Variants in KIAA1217 observed in about 807,000 individuals in gnomAD.
The protein encoded by KIAA1217 is KIAA1217.
A neutral mutation model predicts 163.9 loss-of-function variants in KIAA1217; 88 were observed. The ratio of observed to expected loss-of-function variants is 0.54; its 90% confidence interval spans 0.45 to 0.64. The LOEUF is 0.64. Ranked by LOEUF, KIAA1217 falls within the 30% of genes least tolerant of loss-of-function variation. The probability of loss-of-function intolerance (pLI) is 0.00; values close to 1 mark genes in which losing one functional copy is unlikely to be tolerated. For missense variants in KIAA1217, 2,372 were observed against 2,475.0 expected (o/e 0.96, Z 0.88); for synonymous variants, 903 against 923.1 (o/e 0.98, Z 0.39).
chr10:23,991,677 C>T lies in KIAA1217; in HGVS notation c.-320-15548C>T, dbSNP rs184539763. 3.0e-3 allele frequency among the ~76,000 whole-genome samples: 463 copies of T among 152,180 alleles called. 5 individuals carry two copies. The highest frequency in any genetic ancestry group is 0.01 in the African/African-American group (434 of 41,504). On this transcript the variant is annotated intron_variant, in intron 1 of 18. Transcript: ENST00000376462. ...CTAGAACGTATCTATCCGCATTTCACGTATATGATATATCAGTATATCACA... is the reference window on the plus strand; with the variant it reads ...CTAGAACGTATCTATCCGCATTTCATGTATATGATATATCAGTATATCACA...
chr10:24,140,124 C>T (rs528141273), intron 2 of KIAA1217, among the ~76,000 whole-genome samples: 3 of 151,824 alleles, frequency 2.0e-5, no homozygotes, highest in African/African-American at 7.3e-5. Flanking sequence ...CTTTGGGAGG[C>T]CGAGGCGGGT....
At chr10:24,370,589 T>G (rs1452212868) in intron 2 of KIAA1217, among the ~76,000 whole-genome samples, 1 of 152,158 alleles carries the variant, frequency 6.6e-6, no homozygotes, top group Non-Finnish European at 1.5e-5. Context: ...TGGCTTTTGT[T>G]TTTTTAGAGA....
intron 1 of KIAA1217, 62 bp downstream of exon 1, chr10:24,209,325 C>T: frequency 4.1e-6 from 5 of 1,218,298 alleles, no homozygotes; most frequent in African/African-American, 1.6e-5. Flanking sequence ...CCGCTTGCTG[C>T]TTTTTATAAA....
intron 1 of KIAA1217, among the ~76,000 whole-genome samples, chr10:23,985,868 G>T (rs925795692): frequency 6.6e-6 from 1 of 152,138 alleles, no homozygotes; most frequent in African/African-American, 2.4e-5. Flanking sequence ...TCTGTAGGCT[G>T]CCCCTCTTGT....
At chr10:24,125,322 CTGTGTGTGTGTGTGTGTGTGTGTG>C (rs58143239) in intron 2 of KIAA1217, among the ~76,000 whole-genome samples, 1 of 143,720 alleles carries the variant, frequency 7.0e-6, no homozygotes, top group African/African-American at 2.6e-5. Context: ...ATCCTATGCT[CTGTGTGTGTGTGTGTGTGTGTGTG>C]TGTGTGTGTG....
intron 3 of KIAA1217, among the ~76,000 whole-genome samples, chr10:24,404,080 C>T (rs1026804057): frequency 1.7e-4 from 26 of 152,288 alleles, no homozygotes; most frequent in Non-Finnish European, 2.1e-4. Context: ...ACCTCAACTT[C>T]CTGACTAGCT....
At chr10:23,949,523 C>T (rs1844231696) in intron 1 of KIAA1217, among the ~76,000 whole-genome samples, 1 of 152,016 alleles carries the variant, frequency 6.6e-6, no homozygotes, top group Non-Finnish European at 1.5e-5. Context: ...TAAATCCAGA[C>T]ACCCAGAAGA....
chr10:24,521,811 C>T lies in KIAA1217; in HGVS notation c.2338C>T (p.Arg780Ter). Residue 780 changes from arginine to a stop codon, truncating the protein, a stop_gained, in exon 12 of 21, where the codon CGA becomes TGA. Coordinates refer to ENST00000376454, the MANE Select transcript of KIAA1217 (RefSeq NM_019590.5). LOFTEE classifies it high-confidence loss of function. Reference sequence around the variant, plus strand: ...ATTTCCAACCTTACAAAACAAGATGCGAGCCATCCTGCGCATAGAAGTGGA... The same window carrying T: ...ATTTCCAACCTTACAAAACAAGATGTGAGCCATCCTGCGCATAGAAGTGGA... ...GEFPTLQNKMRAILRIEVEAV... is the reference protein window; with the variant it reads ...GEFPTLQNKM The T allele has an allele frequency of 6.2e-7, 1 of 1,613,256 alleles. No homozygotes were observed. The highest frequency in any genetic ancestry group is 8.5e-7 in the Non-Finnish European group (1 of 1,179,864).
In KIAA1217 at chr10:24,168,052, A is replaced by G. The variant is rs575187461; in HGVS notation, c.-170-51574A>G. Among the ~76,000 whole-genome samples, 6 of 152,310 alleles carry G rather than the reference A, an allele frequency of 3.9e-5. No individual in the cohort carries two copies. In the South Asian group the frequency reaches 1.0e-3, roughly 26 times the overall value. On this transcript the variant is annotated intron_variant, in intron 2 of 18. Coordinates refer to the KIAA1217 transcript ENST00000376462. ...GCACTGGGGGTTAGGTTTCCAACATATGAACCATGACCTCTGTTAATGGAT... is the reference window on the plus strand; with the variant it reads ...GCACTGGGGGTTAGGTTTCCAACATGTGAACCATGACCTCTGTTAATGGAT...
intron 1 of KIAA1217, among the ~76,000 whole-genome samples, chr10:23,837,498 C>G (rs143041646): frequency 6.7e-4 from 102 of 152,272 alleles, no homozygotes; most frequent in African/African-American, 2.4e-3. Context: ...AACTGTTTCA[C>G]TATTGAAATG....
intron 2 of KIAA1217, among the ~76,000 whole-genome samples, chr10:24,137,742 A>G (rs1357160512): frequency 1.3e-5 from 2 of 152,220 alleles, no homozygotes; most frequent in South Asian, 2.1e-4. Flanking sequence ...AAAATATCCT[A>G]TTCATTCTAA....
At chr10:24,452,772 T>C (rs926781079) in intron 5 of KIAA1217, among the ~76,000 whole-genome samples, 1 of 151,428 alleles carries the variant, frequency 6.6e-6, no homozygotes, top group Non-Finnish European at 1.5e-5. Context: ...ATTGTACTTT[T>C]AAAAATAACT....
intron 6 of KIAA1217, chr10:24,481,684 T>G (rs1418475669): frequency 6.6e-6 from 1 of 152,218 alleles, no homozygotes; most frequent in Non-Finnish European, 1.5e-5. Flanking sequence ...AAGTAAACTT[T>G]TCAATGACAA....
intron 2 of KIAA1217, among the ~76,000 whole-genome samples, chr10:24,287,785 C>T (rs935702955): frequency 1.3e-5 from 2 of 152,150 alleles, no homozygotes; most frequent in African/African-American, 4.8e-5. Flanking sequence ...TTTCTGGGAC[C>T]CATGAACTGC....
At chr10:24,501,968 C>G (rs2067683941) in intron 9 of KIAA1217, among the ~76,000 whole-genome samples, 1 of 151,868 alleles carries the variant, frequency 6.6e-6, no homozygotes, top group Admixed American at 6.6e-5. Flanking sequence ...CCAGGATGGT[C>G]TCGATCTCCT....
rs117323617 is a variant in KIAA1217 at position 24,232,900 on chromosome 10, G to C, written c.354+12991G>C. 6.9e-3 allele frequency among the ~76,000 whole-genome samples: 795 copies of C among 115,698 alleles called. 6 individuals are homozygous for C. In the Middle Eastern group the frequency reaches 0.12, roughly 18 times the overall value. 75.9% of individuals were successfully genotyped at this position (115,698 alleles called of 152,430 possible). On this transcript the variant is annotated intron_variant, in intron 2 of 20. Transcript: ENST00000376454. ...GGAGGCTGAGGCAGGTGGATTGCCAGAGCTCAGGAGCAACATGGTAAAACC... is the reference window on the plus strand; with the variant it reads ...GGAGGCTGAGGCAGGTGGATTGCCACAGCTCAGGAGCAACATGGTAAAACC...
rs186610003 is a variant in KIAA1217 at position 24,329,622 on chromosome 10, C to A, written c.355-51247C>A. On this transcript the variant is annotated intron_variant, in intron 2 of 20. Coordinates refer to ENST00000376454, the MANE Select transcript of KIAA1217 (RefSeq NM_019590.5). ...TCAGAAGTTATTTAACTACTCGGAA[C>A]CTAGATGTTCCTATGTGTTAGATAG... Among the ~76,000 whole-genome samples the A allele has an allele frequency of 9.7e-4, 147 of 152,230 alleles. 2 individuals are homozygous for A. Among genetic ancestry groups the A allele is most frequent in the African/African-American group, 3.3e-3 (138 of 41,538 alleles).
At chr10:24,325,321 T>C (rs1185236765) in intron 2 of KIAA1217, among the ~76,000 whole-genome samples, 2 of 152,212 alleles carry the variant, frequency 1.3e-5, no homozygotes, top group African/African-American at 4.8e-5. Context: ...AGTTCAATGC[T>C]CTGCAGGCGT....
chr10:24,364,386 A>G (rs1156361154), intron 2 of KIAA1217, among the ~76,000 whole-genome samples: 59 of 152,200 alleles, frequency 3.9e-4, no homozygotes, highest in Non-Finnish European at 7.3e-5. Flanking sequence ...GAGGCCTAAT[A>G]AAATCCAGTT....
Sources: gnomAD v4.1 joint callset for allele counts (sites outside exome capture counted in the v4.1 genomes callset) on GRCh38, gnomAD v4.1.1 for gene constraint, MANE v1.5 for transcripts, NCBI Gene and HGNC (gene_info 2026-07-23, HGNC 2026-07-21) for gene names.